Variants in FARP2 observed in about 807,000 individuals in gnomAD.
FARP2 encodes FERM, ARH/RhoGEF and pleckstrin domain protein 2.
Under a neutral mutation model 130.5 loss-of-function variants are expected in FARP2, and 111 were observed. The ratio of observed to expected loss-of-function variants is 0.85; its 90% CI spans 0.73 to 1.00. The LOEUF is 1.00. FARP2 is among the 50% of genes least tolerant of loss of function. The probability of loss-of-function intolerance (pLI) is 0.00; values close to 1 mark genes in which losing one functional copy is unlikely to be tolerated. For missense variants in FARP2, 1,385 were observed against 1,346.3 expected (o/e 1.03, Z -0.45); for synonymous variants, 504 against 516.9 (o/e 0.98, Z 0.34).
intron 14 of FARP2, among the ~76,000 whole-genome samples, chr2:241,460,312 G>A (rs757976): frequency 0.026 from 4,016 of 152,214 alleles, 404 homozygotes; most frequent in Admixed American, 0.18. Context: ...GATGGGGTCC[G>A]TCTCTGTTGC....
intron 8 of FARP2, among the ~76,000 whole-genome samples, chr2:241,420,832 A>G (rs566249883): frequency 1.3e-5 from 2 of 152,330 alleles, no homozygotes; most frequent in African/African-American, 4.8e-5. Context: ...CCACAGAGTT[A>G]TGACAGCCTC....
intron 2 of FARP2, among the ~76,000 whole-genome samples, chr2:241,380,493 A>G (rs932238821): frequency 9.2e-5 from 14 of 152,130 alleles, no homozygotes; most frequent in African/African-American, 3.4e-4. Flanking sequence ...CTTATCTAAC[A>G]TGCTTAGGAT....
At position 241,403,916 on chromosome 2, in the gene FARP2, A is replaced by G; in HGVS notation, c.272A>G (p.Asn91Ser). ...ECDYFGMEFQ[N>S]TQSYWIWLEP... is the part of the protein sequence containing the mutation. ...GACTACTTCGGGATGGAGTTTCAAA[A>G]TACTCAGTCCTACTGGGTAAGTGCT... The change falls in exon 3 of 27, where the codon AAT becomes AGT. Residue 91 changes from asparagine (N) to serine (S), a missense_variant. Transcript: ENST00000264042. The G allele has an allele frequency of 6.2e-7, 1 of 1,609,702 alleles. No individual in the cohort carries two copies. Among genetic ancestry groups the G allele is most frequent in the Non-Finnish European group, 8.5e-7 (1 of 1,175,954 alleles).
At chr2:241,450,640 C>A (rs562325755) in intron 13 of FARP2, among the ~76,000 whole-genome samples, 1 of 151,488 alleles carries the variant, frequency 6.6e-6, no homozygotes, top group Non-Finnish European at 1.5e-5. Flanking sequence ...CAATTGCACT[C>A]CAGCCTGGGA....
chr2:241,383,844 G>C (rs1047315321), intron 2 of FARP2, among the ~76,000 whole-genome samples: 9 of 152,112 alleles, frequency 5.9e-5, no homozygotes, highest in African/African-American at 2.2e-4. Context: ...TTGGTTTGGG[G>C]CCATGTGGAG....
chr2:241,436,351 A>G (rs2063229804), intron 11 of FARP2, 130 bp from the exon 12 acceptor site: 3 of 742,790 alleles, frequency 4.0e-6, no homozygotes, highest in Non-Finnish European at 4.7e-6. Flanking sequence ...GCCCCTTTCA[A>G]GTTAGATACC....
chr2:241,494,341 G>T lies in FARP2; in HGVS notation c.*216G>T. Reference sequence around the variant, plus strand: ...TGCCAGCAGCTATCTGGGGCCCTGGGAAAAATGTGCGAGTCTTGAGCGCGG... The same window carrying T: ...TGCCAGCAGCTATCTGGGGCCCTGGTAAAAATGTGCGAGTCTTGAGCGCGG... On this transcript the variant is annotated 3_prime_UTR_variant, in exon 27 of 27. Transcript: ENST00000264042. The surrounding 1 kb of genome is among the most constrained non-coding windows in gnomAD (Gnocchi z 4.9). The T allele has an allele frequency of 1.7e-5, 6 of 363,228 alleles. No individual in the cohort carries two copies. Among genetic ancestry groups the T allele is most frequent in the African/African-American group, 2.1e-5 (1 of 47,468 alleles). The allele number at this position is 363,228 out of a possible 1,614,324, so 22.5% of individuals were successfully genotyped here. A position where few individuals can be genotyped will look rare whatever the true frequency, so the allele number is the denominator to read the frequency against.
At chr2:241,421,082 G>C (rs933141448) in intron 8 of FARP2, among the ~76,000 whole-genome samples, 2 of 152,110 alleles carry the variant, frequency 1.3e-5, no homozygotes, top group Admixed American at 6.5e-5. Context: ...GGAGCCAAAG[G>C]AACCCCCATC....
At position 241,438,652 on chromosome 2, in the gene FARP2, CAG is replaced by C. The variant is rs2063305909; in HGVS notation, c.1158+2117_1158+2118del. On this transcript the variant is annotated intron_variant, in intron 12 of 26. Coordinates refer to ENST00000264042, the MANE Select transcript of FARP2 (RefSeq NM_014808.4). Reference sequence around the variant, plus strand: ...TTTTTTTGTTTTTTTTTTTTTGAGACAGAGTCTCGCTCTGTCGCCCAGGCTGG... The same window carrying C: ...TTTTTTTGTTTTTTTTTTTTTGAGACAGTCTCGCTCTGTCGCCCAGGCTGG... Among the ~76,000 whole-genome samples the C allele has an allele frequency of 2.2e-5, 3 of 136,874 alleles. No individual in the cohort carries two copies. In the South Asian group the frequency reaches 6.9e-4, roughly 31 times the overall value. 89.8% of individuals were successfully genotyped at this position (136,874 alleles called of 152,430 possible). A position where few individuals can be genotyped will look rare whatever the true frequency, so the allele number is the denominator to read the frequency against.
intron 19 of FARP2, 107 bp downstream of exon 19, chr2:241,476,094 C>A: frequency 9.3e-7 from 1 of 1,079,842 alleles, no homozygotes; most frequent in Non-Finnish European, 1.3e-6. Context: ...TAATTTTGGC[C>A]AGGCACAGTG....
At chr2:241,360,203 G>A (rs780023488) in intron 1 of FARP2, among the ~76,000 whole-genome samples, 8 of 152,160 alleles carry the variant, frequency 5.3e-5, no homozygotes, top group Non-Finnish European at 1.0e-4. Context: ...ACAGAATAGA[G>A]CTCAATAAAT....
intron 2 of FARP2, among the ~76,000 whole-genome samples, chr2:241,389,175 G>A (rs766527273): frequency 8.6e-5 from 13 of 151,828 alleles, no homozygotes; most frequent in Non-Finnish European, 1.0e-4. Context: ...CAACTACTTG[G>A]GAGGCTGAGG....
intron 5 of FARP2, among the ~76,000 whole-genome samples, chr2:241,409,700 A>G (rs568728059): frequency 1.3e-5 from 2 of 152,372 alleles, no homozygotes; most frequent in South Asian, 2.1e-4. Flanking sequence ...TACAAATGTT[A>G]TAAAACAATA....
intron 13 of FARP2, among the ~76,000 whole-genome samples, chr2:241,453,768 G>GTTTTTTT (rs1559786201): frequency 3.0e-5 from 3 of 99,896 alleles, no homozygotes; most frequent in Non-Finnish European, 1.9e-5. Context: ...GGCACTTACT[G>GTTTTTTT]GTTTTTTTTT....
chr2:241,450,446 T>C (rs2063621915), intron 13 of FARP2, among the ~76,000 whole-genome samples: 1 of 151,716 alleles, frequency 6.6e-6, no homozygotes, highest in Non-Finnish European at 1.5e-5. Flanking sequence ...GGTGGGCGGA[T>C]CACGAGGTCA....
chr2:241,395,055 A>G (rs2061996823), intron 2 of FARP2, among the ~76,000 whole-genome samples: 1 of 152,210 alleles, frequency 6.6e-6, no homozygotes, highest in South Asian at 2.1e-4. Flanking sequence ...TTACACTCCC[A>G]TAAAACCCAT....
At chr2:241,440,134 T>G (rs1010139976) in intron 12 of FARP2, among the ~76,000 whole-genome samples, 1 of 152,242 alleles carries the variant, frequency 6.6e-6, no homozygotes, top group Non-Finnish European at 1.5e-5. Flanking sequence ...GAAAGCCTAG[T>G]AACTAAGCCT....
Position 241,418,009 on chromosome 2 carries a change from G to A in FARP2, c.671G>A (p.Arg224Gln), listed in dbSNP as rs550062112. 9 of 1,614,126 alleles carry A rather than the reference G, an allele frequency of 5.6e-6. No individual in the cohort carries two copies. The African/African-American group carries it at 9.3e-5, about 17-fold the overall frequency. ...GATTTCCAGGTGCTCGAAATTGCTC[G>A]AAAGTTGGAAATGTACGGCATCAGA... The part of the protein sequence containing the change: ...ESDFQVLEIA[R>Q]KLEMYGIRFH... Residue 224 changes from arginine to glutamine, a missense_variant, in exon 8 of 27, where the codon CGA (arginine) becomes CAA (glutamine). Coordinates refer to ENST00000264042, the MANE Select transcript of FARP2 (RefSeq NM_014808.4).
chr2:241,415,429 GAC>G (rs1159750499), intron 7 of FARP2, among the ~76,000 whole-genome samples: 5 of 152,316 alleles, frequency 3.3e-5, no homozygotes, highest in Non-Finnish European at 5.9e-5. Flanking sequence ...TCCCTGCTGA[GAC>G]ACACAGCAGG....
Sources: gnomAD v4.1 joint callset for allele counts (sites outside exome capture counted in the v4.1 genomes callset) on GRCh38, gnomAD v4.1.1 for gene constraint, Gnocchi (gnomAD v3.1) non-coding constraint, MANE v1.5 for transcripts, NCBI Gene and HGNC (gene_info 2026-07-23, HGNC 2026-07-21) for gene names.